Variants in CTNNBL1 observed in about 807,000 individuals in gnomAD.
CTNNBL1 encodes the protein beta-catenin-like protein 1.
CTNNBL1 carries 31 observed loss-of-function variants against 72.7 expected under a neutral mutation model. That is an observed-to-expected ratio of 0.43 (90% CI 0.32 to 0.58). The LOEUF (loss-of-function observed/expected upper bound fraction) is 0.58, where lower values mean the gene tolerates loss of function less well. Among genes scored for constraint, CTNNBL1 ranks in the 20% least tolerant of loss-of-function variants. The pLI is 0.08. For synonymous variants in CTNNBL1, 240 were observed against 267.3 expected (o/e 0.90, Z 1.00); for missense variants, 534 against 725.1 (o/e 0.74, Z 3.03).
intron 1 of CTNNBL1, among the ~76,000 whole-genome samples, chr20:37,702,019 T>G (rs1158252824): frequency 2.6e-5 from 4 of 152,260 alleles, no homozygotes; most frequent in Non-Finnish European, 5.9e-5. Flanking sequence ...AACAGTATAC[T>G]GTTTGTGTGT....
intron 10 of CTNNBL1, among the ~76,000 whole-genome samples, chr20:37,794,462 A>G (rs1260069992): frequency 6.6e-6 from 1 of 152,014 alleles, no homozygotes; most frequent in Non-Finnish European, 1.5e-5. Flanking sequence ...GATTACAGGC[A>G]TGCACCACCA....
intron 7 of CTNNBL1, among the ~76,000 whole-genome samples, chr20:37,768,391 T>C (rs780998890): frequency 8.5e-5 from 13 of 152,228 alleles, no homozygotes; most frequent in Admixed American, 5.2e-4. Flanking sequence ...TCTGTGTATA[T>C]GAGAGAGTGT....
chr20:37,869,008 C>A (rs550326554), intron 15 of CTNNBL1, among the ~76,000 whole-genome samples: 11 of 152,354 alleles, frequency 7.2e-5, no homozygotes, highest in African/African-American at 2.6e-4. Context: ...ATACCACTTA[C>A]ACACAGCCCC....
rs2073484135 is a variant in CTNNBL1 at position 37,767,864 on chromosome 20, A to C, written c.659-89A>C. The stretch of plus-strand genomic sequence containing the variant: ...GGGAGTAATGCAGGGAAGTGGGGAG[A>C]GGAATAACATGCCTGTCATGGGAAG... On this transcript the variant is annotated intron_variant, in intron 6 of 15. Coordinates refer to ENST00000361383, the MANE Select transcript of CTNNBL1 (RefSeq NM_030877.5). The C allele has an allele frequency of 4.1e-6, 4 of 980,762 alleles. No individual in the cohort carries two copies. In the East Asian group the frequency reaches 9.6e-5, roughly 23 times the overall value. The allele number at this position is 980,762 out of a possible 1,614,324, so 60.8% of individuals were successfully genotyped here.
At chr20:37,723,452 G>A (rs2073058774) in intron 1 of CTNNBL1, among the ~76,000 whole-genome samples, 1 of 152,134 alleles carries the variant, frequency 6.6e-6, no homozygotes, top group Non-Finnish European at 1.5e-5. Context: ...AATAAATGGT[G>A]CTTCTCTTTT....
chr20:37,824,385 C>G (rs2072139351), intron 11 of CTNNBL1, among the ~76,000 whole-genome samples: 2 of 152,236 alleles, frequency 1.3e-5, no homozygotes, highest in African/African-American at 4.8e-5. Context: ...GCACTAGGAC[C>G]TTCCTCACTG....
At chr20:37,739,541 A>C (rs970628570) in intron 3 of CTNNBL1, among the ~76,000 whole-genome samples, 11 of 152,144 alleles carry the variant, frequency 7.2e-5, no homozygotes, top group African/African-American at 2.4e-4. Flanking sequence ...TAGATACCTA[A>C]ATTTTGAATT....
intron 1 of CTNNBL1, among the ~76,000 whole-genome samples, chr20:37,713,509 A>G (rs2072957752): frequency 6.6e-6 from 1 of 152,184 alleles, no homozygotes; most frequent in African/African-American, 2.4e-5. Context: ...AGGCAGAGGC[A>G]CCTCTGACCG....
chr20:37,696,803 A>C (rs1312815111), intron 1 of CTNNBL1, among the ~76,000 whole-genome samples: 1 of 152,148 alleles, frequency 6.6e-6, no homozygotes, highest in Non-Finnish European at 1.5e-5. Flanking sequence ...ATAAATGATA[A>C]CACTTACGAT....
At chr20:37,805,837 C>A (rs551451033) in intron 11 of CTNNBL1, among the ~76,000 whole-genome samples, 1 of 152,268 alleles carries the variant, frequency 6.6e-6, no homozygotes, top group Admixed American at 6.5e-5. Context: ...ATGGCCTTGT[C>A]CCCTCTAGAT....
At chr20:37,847,125 TG>T (rs1473324113) in intron 13 of CTNNBL1, among the ~76,000 whole-genome samples, 1 of 152,204 alleles carries the variant, frequency 6.6e-6, no homozygotes, top group South Asian at 2.1e-4. Context: ...TTGTTTTCTC[TG>T]TGATTAGACC....
chr20:37,818,949 T>C (rs2072082734), intron 11 of CTNNBL1, among the ~76,000 whole-genome samples: 2 of 152,320 alleles, frequency 1.3e-5, no homozygotes, highest in South Asian at 4.1e-4. Flanking sequence ...CTGTTGTTCT[T>C]TTCCTTTTTT....
intron 7 of CTNNBL1, among the ~76,000 whole-genome samples, chr20:37,772,450 G>A (rs1287375191): frequency 6.6e-6 from 1 of 152,182 alleles, no homozygotes; most frequent in African/African-American, 2.4e-5. Context: ...CTGGGTTCAC[G>A]CCATTCTCCT....
At chr20:37,725,132 C>T (rs1388370048) in intron 1 of CTNNBL1, among the ~76,000 whole-genome samples, 1 of 152,116 alleles carries the variant, frequency 6.6e-6, no homozygotes, top group Non-Finnish European at 1.5e-5. Flanking sequence ...GTCTCGAACT[C>T]CTGGGCTCAA....
intron 1 of CTNNBL1, among the ~76,000 whole-genome samples, chr20:37,724,659 C>T (rs2073067982): frequency 6.6e-6 from 1 of 152,066 alleles, no homozygotes; most frequent in South Asian, 2.1e-4. Flanking sequence ...ATGCCTGATG[C>T]CTGAACTGTC....
chr20:37,711,674 T>G (rs554241337), intron 1 of CTNNBL1, among the ~76,000 whole-genome samples: 6 of 151,640 alleles, frequency 4.0e-5, no homozygotes, highest in African/African-American at 1.5e-4. Flanking sequence ...GCTGTTTATT[T>G]TGGAAGGTTC....
At chr20:37,694,273 A>C (rs1600424132) in intron 1 of CTNNBL1, 121 bp downstream of exon 1, 1 of 842,804 alleles carries the variant, frequency 1.2e-6, no homozygotes, top group Non-Finnish European at 1.7e-6. Flanking sequence ...TTCTCATGCC[A>C]CCCGGGGTCT....
chr20:37,705,514 A>G (rs2072877890), intron 1 of CTNNBL1, among the ~76,000 whole-genome samples: 1 of 152,132 alleles, frequency 6.6e-6, no homozygotes, highest in African/African-American at 2.4e-5. Context: ...TCCCAAGGTC[A>G]TTGGTCCCTT....
intron 10 of CTNNBL1, among the ~76,000 whole-genome samples, chr20:37,801,281 C>T (rs1274289862): frequency 6.6e-6 from 1 of 152,050 alleles, no homozygotes; most frequent in African/African-American, 2.4e-5. Flanking sequence ...AAGCAGAACC[C>T]ATTTCTTACT....
Sources: allele counts gnomAD v4.1 joint callset (sites outside exome capture counted in the v4.1 genomes callset), GRCh38; gene constraint gnomAD v4.1.1; transcripts MANE v1.5; gene names NCBI Gene and HGNC (gene_info 2026-07-23, HGNC 2026-07-21).